The following NBEA variants were observed in gnomAD, a reference collection of about 807,000 sequenced individuals.
NBEA encodes neurobeachin, also known as lysosomal-trafficking regulator 2.
NBEA carries 44 observed loss-of-function variants against 343.4 expected under a neutral mutation model. The observed-to-expected ratio is 0.13, with a 90% CI of 0.10 to 0.16. The LOEUF is 0.16. Ranked by LOEUF, NBEA falls within the 10% of genes least tolerant of loss-of-function variation. NBEA has a pLI of 1.00. For synonymous variants in NBEA, 1,175 were observed against 1,238.7 expected (o/e 0.95, Z 1.08); for missense variants, 2,555 against 3,631.3 (o/e 0.70, Z 7.62).
chr13:35,630,395 T>C lies in NBEA; in HGVS notation c.7617+2147T>C, dbSNP rs114952506. ...AAATGTAAAATTTAAAATGTAAAAA[T>C]TAAAAATTAAAAATTGTCTTCTGTT... is the stretch of plus-strand genomic sequence containing the variant. On this transcript the variant is annotated intron_variant, in intron 49 of 58. Coordinates refer to ENST00000379939, the MANE Select transcript of NBEA (RefSeq NM_001385012.1). Among the ~76,000 whole-genome samples the C allele has an allele frequency of 4.8e-3, 726 of 152,224 alleles. 2 individuals carry two copies. Among genetic ancestry groups the C allele is most frequent in the African/African-American group, 0.017 (693 of 41,526 alleles).
chr13:35,349,357 T>G (rs534322353), intron 37 of NBEA, 141 bp downstream of exon 37: 3 of 510,274 alleles, frequency 5.9e-6, no homozygotes, highest in Non-Finnish European at 1.1e-5. Flanking sequence ...AAAGCTTTAG[T>G]AAATGTCAAA....
chr13:35,447,236 T>C (rs1003439516), intron 39 of NBEA, among the ~76,000 whole-genome samples: 32 of 152,142 alleles, frequency 2.1e-4, no homozygotes, highest in Admixed American at 3.3e-4. Context: ...GTCATTTCTG[T>C]GTTTTAACTT....
At chr13:35,542,411 T>C (rs2078874041) in intron 41 of NBEA, among the ~76,000 whole-genome samples, 1 of 152,348 alleles carries the variant, frequency 6.6e-6, no homozygotes, top group African/African-American at 2.4e-5. Context: ...TTCTTTTCCA[T>C]GTAAGTTTTA....
chr13:35,662,682 T>C (rs1163308442), intron 55 of NBEA, among the ~76,000 whole-genome samples: 1 of 152,304 alleles, frequency 6.6e-6, no homozygotes, highest in South Asian at 2.1e-4. Context: ...AAATAAAATA[T>C]TTTAAACTCT....
intron 33 of NBEA, among the ~76,000 whole-genome samples, chr13:35,217,808 A>G (rs897058184): frequency 6.6e-6 from 1 of 152,078 alleles, no homozygotes; most frequent in African/African-American, 2.4e-5. Context: ...TCCCAGCACT[A>G]TGCACTCTCA....
In NBEA at chr13:35,173,500, G is replaced by A. The variant is rs1177570513; in HGVS notation, c.4460G>A (p.Arg1487Gln). Residue 1487 changes from arginine to glutamine, a missense_variant, in exon 27 of 59, where the codon CGG becomes CAG. Physicochemically the swap from Arg to Gln is conservative, Grantham distance 43. This residue lies in a region of NBEA where 168 missense variants were observed against 193.0 expected (regional missense o/e 0.87). Coordinates refer to ENST00000379939, the MANE Select transcript of NBEA (RefSeq NM_001385012.1). ...GCTGTGAGAAACTGTTTAGAATGTC[G>A]GCAAAGACAGAGAGACAGGGGAAAT... The part of the protein sequence containing the change: ...CVAVRNCLEC[R>Q]QRQRDRGNKS... 3 of 1,608,500 alleles carry A rather than the reference G, an allele frequency of 1.9e-6. No individual in the cohort carries two copies. Among genetic ancestry groups the A allele is most frequent in the Admixed American group, 1.7e-5 (1 of 59,766 alleles).
intron 38 of NBEA, among the ~76,000 whole-genome samples, chr13:35,384,953 C>T (rs1397181746): frequency 1.3e-5 from 2 of 152,194 alleles, no homozygotes; most frequent in African/African-American, 4.8e-5. Flanking sequence ...AAACAGGATT[C>T]AGTCTGAAAA....
At chr13:35,188,626 A>T (rs1174189770) in intron 30 of NBEA, among the ~76,000 whole-genome samples, 5 of 152,022 alleles carry the variant, frequency 3.3e-5, no homozygotes, top group South Asian at 4.1e-4. Context: ...TTATTCATTC[A>T]TCTCTTCGTC....
intron 30 of NBEA, among the ~76,000 whole-genome samples, chr13:35,189,052 T>G (rs1016165813): frequency 6.6e-6 from 1 of 151,730 alleles, no homozygotes. Context: ...CTGAGTAGCT[T>G]GGATTACAGG....
intron 41 of NBEA, among the ~76,000 whole-genome samples, chr13:35,496,701 G>C (rs1029339737): frequency 6.6e-6 from 1 of 151,294 alleles, no homozygotes; most frequent in Non-Finnish European, 1.5e-5. Flanking sequence ...TTTAATAGCT[G>C]TTCTTCTAGC....
intron 41 of NBEA, among the ~76,000 whole-genome samples, chr13:35,545,674 T>A (rs2079029090): frequency 6.6e-6 from 1 of 152,172 alleles, no homozygotes; most frequent in South Asian, 2.1e-4. Context: ...GAGGCGTAAG[T>A]CCATAATATC....
chr13:35,173,437 A>T lies in NBEA; in HGVS notation c.4424-27A>T, dbSNP rs73503798. ...ATATCAAAGTCAACAATTTATATTAACAATATGTTTTTGAATTTTTAAATA... is the reference window on the plus strand; with the variant it reads ...ATATCAAAGTCAACAATTTATATTATCAATATGTTTTTGAATTTTTAAATA... On this transcript the variant is annotated intron_variant, in intron 26 of 58. Coordinates refer to ENST00000379939, the MANE Select transcript of NBEA (RefSeq NM_001385012.1). The T allele has an allele frequency of 1.3e-3, 1,950 of 1,545,964 alleles. 30 individuals are homozygous for T. In the African/African-American group the frequency reaches 0.024, roughly 19 times the overall value.
At chr13:35,303,299 C>T (rs2036676327) in intron 35 of NBEA, among the ~76,000 whole-genome samples, 1 of 152,106 alleles carries the variant, frequency 6.6e-6, no homozygotes, top group African/African-American at 2.4e-5. Flanking sequence ...CATTACCAGT[C>T]ACCTGGTTTC....
chr13:35,513,497 G>A (rs1410792472), intron 41 of NBEA, among the ~76,000 whole-genome samples: 1 of 151,342 alleles, frequency 6.6e-6, no homozygotes, highest in East Asian at 1.9e-4. Context: ...ACAAATTTGT[G>A]CCCCAAACAC....
intron 49 of NBEA, among the ~76,000 whole-genome samples, chr13:35,640,411 C>A (rs2083890159): frequency 6.6e-6 from 1 of 152,194 alleles, no homozygotes; most frequent in Admixed American, 6.5e-5. Context: ...AAAGGCACTC[C>A]TTTCTCTGGC....
intron 34 of NBEA, among the ~76,000 whole-genome samples, chr13:35,254,559 C>T (rs1317678650): frequency 6.6e-6 from 1 of 151,972 alleles, no homozygotes; most frequent in Non-Finnish European, 1.5e-5. Flanking sequence ...TGGGCTCAAG[C>T]AGTCCTTCCA....
At chr13:34,982,193 C>T (rs1202916576) in intron 1 of NBEA, among the ~76,000 whole-genome samples, 3 of 152,076 alleles carry the variant, frequency 2.0e-5, no homozygotes, top group Non-Finnish European at 2.9e-5. Flanking sequence ...CACTGTATAA[C>T]TTCCTCTAGG....
In NBEA at chr13:35,020,709, A is replaced by T. The variant is rs141747942; in HGVS notation, c.295-20224A>T. 2.3e-3 allele frequency among the ~76,000 whole-genome samples: 348 copies of T among 152,250 alleles called. 2 individuals are homozygous for T. Among genetic ancestry groups the T allele is most frequent in the Middle Eastern group, 6.8e-3 (2 of 294 alleles). ...ATTTTCTTGTATTTTTAGTAGAGAC[A>T]GGGTTTTGCCATGTTGGCCAGGCTG... On this transcript the variant is annotated intron_variant, in intron 1 of 58. Transcript: ENST00000379939.
chr13:35,462,469 T>C (rs2046960543), intron 40 of NBEA, among the ~76,000 whole-genome samples: 1 of 152,186 alleles, frequency 6.6e-6, no homozygotes, highest in Non-Finnish European at 1.5e-5. Flanking sequence ...ACAGTAGTTC[T>C]AAATTACTTA....
Sources: gnomAD v4.1 joint callset for allele counts (sites outside exome capture counted in the v4.1 genomes callset) on GRCh38, gnomAD v4.1.1 for gene constraint, gnomAD v4.1.1 regional missense constraint, MANE v1.5 for transcripts, NCBI Gene and HGNC (gene_info 2026-07-23, HGNC 2026-07-21) for gene names.